DISC1: variants seen among roughly 807,000 people sequenced by gnomAD.
The protein encoded by DISC1 is disrupted in schizophrenia 1 protein.
DISC1 carries 57 observed loss-of-function variants against 84.5 expected under a neutral mutation model. The observed-to-expected ratio is 0.67, with a 90% confidence interval of 0.55 to 0.84. The LOEUF (loss-of-function observed/expected upper bound fraction) is 0.84, where lower values mean the gene tolerates loss of function less well. Among genes scored for constraint, DISC1 ranks in the 40% least tolerant of loss-of-function variants. The pLI, the probability that DISC1 is intolerant of heterozygous loss-of-function variation, is 0.00. For synonymous variants in DISC1, 411 were observed against 415.2 expected, an observed-to-expected ratio of 0.99 and a Z score of 0.12; for missense variants, 1,000 against 1,057.8, an observed-to-expected ratio of 0.95 and a Z score of 0.76.
intron 9 of DISC1, among the ~76,000 whole-genome samples, chr1:231,892,764 G>A (rs1318840875): frequency 6.6e-6 from 1 of 152,070 alleles, no homozygotes; most frequent in East Asian, 1.9e-4. Flanking sequence ...TTTGATTTGA[G>A]CCTTAATGGA....
chr1:231,966,406 A>G (rs1470103004), intron 10 of DISC1, among the ~76,000 whole-genome samples: 4 of 152,226 alleles, frequency 2.6e-5, no homozygotes, highest in African/African-American at 9.7e-5. Context: ...CTCAATTATT[A>G]CATATTATCT....
chr1:231,761,777 A>G (rs909695891), intron 4 of DISC1, among the ~76,000 whole-genome samples: 1 of 152,266 alleles, frequency 6.6e-6, no homozygotes, highest in Admixed American at 6.5e-5. Flanking sequence ...ATGCAATAGA[A>G]AAGTGAATAT....
At chr1:231,667,850 TA>T (rs2062166050) in intron 1 of DISC1, among the ~76,000 whole-genome samples, 1 of 152,206 alleles carries the variant, frequency 6.6e-6, no homozygotes, top group African/African-American at 2.4e-5. Context: ...CAATGTTACT[TA>T]TTTTTTCAAA....
intron 9 of DISC1, among the ~76,000 whole-genome samples, chr1:231,931,639 C>G (rs1462695476): frequency 7.3e-6 from 1 of 137,862 alleles, no homozygotes; most frequent in Non-Finnish European, 1.5e-5. Context: ...TTTGACACTG[C>G]TTGTGATTTT....
In DISC1 at chr1:231,694,540, G is replaced by A; in HGVS notation, c.782G>A (p.Cys261Tyr). ...GACGGGCCTCACGAGGACCCGCGAT[G>A]TCTCTCTCGGCCCTTCAGTCTCTTG... The part of the protein sequence containing the change: ...SLDGPHEDPR[C>Y]LSRPFSLLAT... The change falls in exon 2 of 13, where the codon TGT (cysteine) becomes TAT (tyrosine). Residue 261 changes from cysteine (C) to tyrosine (Y), a missense_variant. Coordinates refer to ENST00000439617, the MANE Select transcript of DISC1 (RefSeq NM_018662.3). 1 of 1,614,162 alleles carries A rather than the reference G, an allele frequency of 6.2e-7. No homozygotes were observed. Among genetic ancestry groups the A allele is most frequent in the Non-Finnish European group, 8.5e-7 (1 of 1,179,982 alleles).
chr1:231,931,331 T>G (rs2090640810), intron 9 of DISC1, among the ~76,000 whole-genome samples: 1 of 152,228 alleles, frequency 6.6e-6, no homozygotes, highest in Admixed American at 6.5e-5. Flanking sequence ...TAGGTGGATG[T>G]ATGGGTGAGT....
At chr1:231,700,802 A>G (rs928178013) in intron 2 of DISC1, among the ~76,000 whole-genome samples, 27 of 152,348 alleles carry the variant, frequency 1.8e-4, no homozygotes, top group African/African-American at 6.3e-4. Flanking sequence ...AGTACAGGTC[A>G]CAATGGAGGT....
chr1:231,873,618 A>G (rs1257127582), intron 9 of DISC1, among the ~76,000 whole-genome samples: 1 of 152,212 alleles, frequency 6.6e-6, no homozygotes, highest in Non-Finnish European at 1.5e-5. Flanking sequence ...CAGGTTAGGA[A>G]TATCCTTAAG....
intron 9 of DISC1, among the ~76,000 whole-genome samples, chr1:231,953,028 A>G (rs770533251): frequency 6.6e-6 from 1 of 152,150 alleles, no homozygotes; most frequent in Non-Finnish European, 1.5e-5. Context: ...ACTATCCCTT[A>G]CTGGCAGTGT....
At position 231,780,759 on chromosome 1, in the gene DISC1, C is replaced by A. The variant is rs551097303; in HGVS notation, c.1634+9689C>A. 1.2e-4 allele frequency among the ~76,000 whole-genome samples: 10 copies of A among 86,902 alleles called. No individual in the cohort carries two copies. The South Asian group carries it at 4.5e-3, about 39-fold the overall frequency. The allele number at this position is 86,902 out of a possible 152,430, so 57.0% of individuals were successfully genotyped here. A position where few individuals can be genotyped will look rare whatever the true frequency, so the allele number is the denominator to read the frequency against. On this transcript the variant is annotated intron_variant, in intron 6 of 12. Transcript: ENST00000439617. ...ACAATAGCAAAGACTTGGAACCAAC[C>A]CAGATGTCCATCAATGATAGACTGG...
At chr1:231,665,476 T>C (rs762476796) in intron 1 of DISC1, among the ~76,000 whole-genome samples, 12 of 152,274 alleles carry the variant, frequency 7.9e-5, no homozygotes, top group Non-Finnish European at 1.6e-4. Flanking sequence ...ATCTGCACTG[T>C]GGTTGCCCAC....
At chr1:231,949,643 C>T (rs200282745) in intron 9 of DISC1, among the ~76,000 whole-genome samples, 3 of 152,118 alleles carry the variant, frequency 2.0e-5, no homozygotes, top group Non-Finnish European at 4.4e-5. Context: ...GGCTGCCTTA[C>T]GGGGGCGCCA....
intron 9 of DISC1, among the ~76,000 whole-genome samples, chr1:231,869,564 T>C (rs940934183): frequency 1.3e-5 from 2 of 151,710 alleles, no homozygotes; most frequent in African/African-American, 4.8e-5. Flanking sequence ...AGGGCCTCTC[T>C]CTCTTGCTTC....
chr1:231,697,662 C>T (rs2065894700), intron 2 of DISC1, among the ~76,000 whole-genome samples: 1 of 142,728 alleles, frequency 7.0e-6, no homozygotes, highest in South Asian at 2.3e-4. Flanking sequence ...GTTGCCCAAA[C>T]TGGTCTTGAA....
intron 2 of DISC1, among the ~76,000 whole-genome samples, chr1:231,697,486 C>T (rs942846173): frequency 1.3e-5 from 2 of 152,012 alleles, no homozygotes; most frequent in Admixed American, 1.3e-4. Context: ...GTCTTCCAGG[C>T]TGGGGTGCAG....
chr1:231,718,439 T>A (rs1351855861), intron 3 of DISC1, among the ~76,000 whole-genome samples: 1 of 146,968 alleles, frequency 6.8e-6, no homozygotes, highest in East Asian at 2.0e-4. Flanking sequence ...TCTCTCTCTT[T>A]TTTTTTTTTT....
At chr1:231,977,271 A>G (rs1662943363) in intron 10 of DISC1, among the ~76,000 whole-genome samples, 1 of 152,188 alleles carries the variant, frequency 6.6e-6, no homozygotes, top group Non-Finnish European at 1.5e-5. Flanking sequence ...AAACAACACA[A>G]AGCTATTCTC....
intron 8 of DISC1, among the ~76,000 whole-genome samples, chr1:231,808,088 C>CA (rs1268683139): frequency 6.6e-6 from 1 of 152,178 alleles, no homozygotes; most frequent in East Asian, 1.9e-4. Flanking sequence ...CTGTAGCCGT[C>CA]AAACTTGGGT....
At chr1:231,706,333 G>T (rs1267752604) in intron 3 of DISC1, among the ~76,000 whole-genome samples, 1 of 152,164 alleles carries the variant, frequency 6.6e-6, no homozygotes, top group Non-Finnish European at 1.5e-5. Context: ...CAGTACTGGA[G>T]ATAAGGATTC....
Sources: allele counts gnomAD v4.1 joint callset (sites outside exome capture counted in the v4.1 genomes callset), GRCh38; gene constraint gnomAD v4.1.1; transcripts MANE v1.5; gene names NCBI Gene and HGNC (gene_info 2026-07-23, HGNC 2026-07-21).